ARHGAP10: variants seen among roughly 807,000 people sequenced by gnomAD.
ARHGAP10 encodes Rho GTPase activating protein 10, also known as rho GTPase-activating protein 10.
A neutral mutation model predicts 108.6 loss-of-function variants in ARHGAP10; 87 were observed. The observed-to-expected ratio is 0.80, with a 90% CI of 0.67 to 0.96. The LOEUF is 0.96. Among genes scored for constraint, ARHGAP10 ranks in the 40% least tolerant of loss-of-function variants. The pLI is 0.00. For missense variants in ARHGAP10, 939 were observed against 954.5 expected (o/e 0.98, Z 0.21); for synonymous variants, 347 against 341.1 (o/e 1.02, Z -0.19).
chr4:147,782,306 C>A (rs1375939118), intron 1 of ARHGAP10, among the ~76,000 whole-genome samples: 4 of 152,104 alleles, frequency 2.6e-5, no homozygotes, highest in Admixed American at 1.3e-4. Flanking sequence ...GAGCAAGACT[C>A]TATGTCTTTG....
At chr4:147,819,835 A>G (rs1732410903) in intron 1 of ARHGAP10, among the ~76,000 whole-genome samples, 1 of 152,144 alleles carries the variant, frequency 6.6e-6, no homozygotes, top group Non-Finnish European at 1.5e-5. Context: ...CTGGGATTAT[A>G]GGCCTGAGCC....
intron 4 of ARHGAP10, among the ~76,000 whole-genome samples, chr4:147,851,352 A>G (rs576603207): frequency 1.3e-5 from 2 of 152,072 alleles, no homozygotes; most frequent in South Asian, 4.1e-4. Context: ...AGCCAGGACT[A>G]CAGATGCCTG....
At chr4:147,890,789 T>C (rs954509411) in intron 10 of ARHGAP10, among the ~76,000 whole-genome samples, 1 of 152,072 alleles carries the variant, frequency 6.6e-6, no homozygotes, top group African/African-American at 2.4e-5. Flanking sequence ...ATCACGCCAT[T>C]GGACTCCAGC....
At chr4:147,810,423 G>A (rs1041993514) in intron 1 of ARHGAP10, among the ~76,000 whole-genome samples, 2 of 152,200 alleles carry the variant, frequency 1.3e-5, no homozygotes, top group Non-Finnish European at 2.9e-5. Context: ...ATTAAAAGGT[G>A]CAACCAGTCT....
At chr4:147,737,881 C>T (rs1000685077) in intron 1 of ARHGAP10, among the ~76,000 whole-genome samples, 7 of 152,300 alleles carry the variant, frequency 4.6e-5, no homozygotes, top group African/African-American at 1.7e-4. Flanking sequence ...ACCAGCTGAG[C>T]CATGGTTATT....
chr4:147,823,171 C>T (rs1019663634), intron 3 of ARHGAP10, among the ~76,000 whole-genome samples: 3 of 152,178 alleles, frequency 2.0e-5, no homozygotes, highest in Non-Finnish European at 2.9e-5. Flanking sequence ...GCCTCTCGAC[C>T]AAGGCCTTAC....
At chr4:147,816,760 G>A (rs1471433660) in intron 1 of ARHGAP10, among the ~76,000 whole-genome samples, 1 of 152,200 alleles carries the variant, frequency 6.6e-6, no homozygotes. Flanking sequence ...ACCACTGCTG[G>A]TTTTGTAAAA....
At chr4:147,836,518 G>A (rs565473115) in intron 3 of ARHGAP10, among the ~76,000 whole-genome samples, 1 of 152,162 alleles carries the variant, frequency 6.6e-6, no homozygotes, top group Non-Finnish European at 1.5e-5. Context: ...TCTTTGGTCT[G>A]AAAGAATGAG....
chr4:147,847,373 T>C lies in ARHGAP10; in HGVS notation c.384+151T>C, dbSNP rs571772267. ...TGTGCTTTTCCCCCTTTGGGGGATA[T>C]GGAATTGGAAACAAAACAAAAACAC... On this transcript the variant is annotated intron_variant, in intron 4 of 22. Transcript: ENST00000336498. 2.7e-5 allele frequency: 20 copies of C among 732,836 alleles called. No homozygotes were observed. The East Asian group carries it at 5.5e-4, about 20-fold the overall frequency. 45.4% of individuals were successfully genotyped at this position (732,836 alleles called of 1,614,324 possible).
At chr4:148,024,005 G>A (rs1272237217) in intron 19 of ARHGAP10, among the ~76,000 whole-genome samples, 1 of 152,222 alleles carries the variant, frequency 6.6e-6, no homozygotes, top group Non-Finnish European at 1.5e-5. Context: ...GCTAATCGTT[G>A]CCACGTGGCC....
At chr4:148,037,863 T>C (rs1728451359) in intron 19 of ARHGAP10, among the ~76,000 whole-genome samples, 1 of 151,580 alleles carries the variant, frequency 6.6e-6, no homozygotes, top group Admixed American at 6.6e-5. Flanking sequence ...AGAATGGATG[T>C]CAGCTATATC....
chr4:147,818,898 G>A (rs1732371708), intron 1 of ARHGAP10, among the ~76,000 whole-genome samples: 1 of 152,120 alleles, frequency 6.6e-6, no homozygotes, highest in African/African-American at 2.4e-5. Flanking sequence ...TTTTAACAGT[G>A]GAAATTTTGC....
intron 3 of ARHGAP10, among the ~76,000 whole-genome samples, chr4:147,829,926 C>T (rs950285970): frequency 9.9e-5 from 15 of 152,122 alleles, no homozygotes; most frequent in African/African-American, 3.4e-4. Context: ...AGGAAAACTG[C>T]GGGGAAGCGG....
intron 18 of ARHGAP10, among the ~76,000 whole-genome samples, chr4:148,010,185 T>C (rs1217332054): frequency 1.3e-5 from 2 of 152,172 alleles, no homozygotes; most frequent in African/African-American, 4.8e-5. Flanking sequence ...AGTGATTAAA[T>C]GGTATACCTG....
chr4:148,053,452 A>G (rs2149684335), intron 20 of ARHGAP10, among the ~76,000 whole-genome samples: 1 of 152,318 alleles, frequency 6.6e-6, no homozygotes, highest in African/African-American at 2.4e-5. Context: ...CTGCGCATTT[A>G]TCATCTAACA....
intron 18 of ARHGAP10, among the ~76,000 whole-genome samples, chr4:148,005,170 T>C (rs377654628): frequency 6.6e-6 from 1 of 152,368 alleles, no homozygotes; most frequent in Non-Finnish European, 1.5e-5. Flanking sequence ...TTTGCACTTA[T>C]TTGTTTATTC....
intron 18 of ARHGAP10, among the ~76,000 whole-genome samples, chr4:148,017,682 A>ATATATATATG (rs1437383455): frequency 6.8e-4 from 92 of 135,228 alleles, no homozygotes; most frequent in African/African-American, 2.5e-3. Context: ...ATATATATAT[A>ATATATATATG]TGTGTGTGTA....
At chr4:148,049,029 A>T in intron 20 of ARHGAP10, among the ~76,000 whole-genome samples, 1 of 149,394 alleles carries the variant, frequency 6.7e-6, no homozygotes, top group African/African-American at 2.5e-5. Context: ...TGTGCCATGG[A>T]TGGAATACAT....
chr4:147,835,187 C>T (rs1024263796), intron 3 of ARHGAP10, among the ~76,000 whole-genome samples: 17 of 152,164 alleles, frequency 1.1e-4, no homozygotes, highest in African/African-American at 4.1e-4. Flanking sequence ...CCAGAGTGCT[C>T]AGCTAGTGGC....
Sources: gnomAD v4.1 joint callset for allele counts (sites outside exome capture counted in the v4.1 genomes callset) on GRCh38, gnomAD v4.1.1 for gene constraint, MANE v1.5 for transcripts, NCBI Gene and HGNC (gene_info 2026-07-23, HGNC 2026-07-21) for gene names.